The following CCDC138 variants were observed in gnomAD, a reference collection of about 807,000 sequenced individuals.
The protein encoded by CCDC138 is coiled-coil domain containing 138.
Under a neutral mutation model 82.3 loss-of-function variants are expected in CCDC138, and 66 were observed. The observed-to-expected ratio is 0.80, with a 90% CI of 0.66 to 0.98. CCDC138 has a LOEUF of 0.98. Among genes scored for constraint, CCDC138 ranks in the 50% least tolerant of loss-of-function variants. The pLI is 0.00. For missense variants in CCDC138, 816 were observed against 758.9 expected, an observed-to-expected ratio of 1.08 and a Z score of -0.88; for synonymous variants, 297 against 265.4, an observed-to-expected ratio of 1.12 and a Z score of -1.16.
intron 10 of CCDC138, among the ~76,000 whole-genome samples, chr2:108,816,496 G>A (rs771742432): frequency 6.6e-6 from 1 of 152,056 alleles, no homozygotes; most frequent in Non-Finnish European, 1.5e-5. Context: ...CCTCTGATGA[G>A]GCCCTTCTTC....
At position 108,794,757 on chromosome 2, in the gene CCDC138, A is replaced by G. The variant is rs963983944; in HGVS notation, c.576+36A>G. 6.8e-6 allele frequency: 10 copies of G among 1,475,104 alleles called. No homozygotes were observed. In the Admixed American group the frequency reaches 1.1e-4, roughly 17 times the overall value. The allele number at this position is 1,475,104 out of a possible 1,614,324, so 91.4% of individuals were successfully genotyped here. A position where few individuals can be genotyped will look rare whatever the true frequency, so the allele number is the denominator to read the frequency against. On this transcript the variant is annotated intron_variant, in intron 5 of 14. Coordinates refer to ENST00000295124, the MANE Select transcript of CCDC138 (RefSeq NM_144978.3). ...AATACTGAATCGAGAATTCAGAAATATTTATGTTCTAAGAACCAAGCATTT... is the reference window on the plus strand; with the variant it reads ...AATACTGAATCGAGAATTCAGAAATGTTTATGTTCTAAGAACCAAGCATTT...
intron 7 of CCDC138, among the ~76,000 whole-genome samples, chr2:108,810,866 T>C (rs1020316115): frequency 5.3e-5 from 8 of 152,236 alleles, no homozygotes; most frequent in East Asian, 1.9e-4. Context: ...TTGTTACTTA[T>C]GATTGGTCTG....
intron 4 of CCDC138, among the ~76,000 whole-genome samples, chr2:108,792,288 A>T (rs1680029480): frequency 6.6e-6 from 1 of 152,138 alleles, no homozygotes; most frequent in Admixed American, 6.5e-5. Context: ...TCTACACACA[A>T]CAACATTCAT....
intron 12 of CCDC138, among the ~76,000 whole-genome samples, chr2:108,854,838 A>G (rs551480886): frequency 1.9e-4 from 29 of 152,318 alleles, no homozygotes; most frequent in Non-Finnish European, 1.5e-5. Context: ...TGGTTAAGTT[A>G]CAAGTTTAGC....
In CCDC138 at chr2:108,805,121, A is replaced by C. The variant is rs1296227516; in HGVS notation, c.855+113A>C. Reference sequence around the variant, plus strand: ...GTTTCAGCTAGAGAAAATTTGGATTACATTTGTTAGCTTTATTTTAAAATA... The same window carrying C: ...GTTTCAGCTAGAGAAAATTTGGATTCCATTTGTTAGCTTTATTTTAAAATA... On this transcript the variant is annotated intron_variant, in intron 7 of 14. Coordinates refer to ENST00000295124, the MANE Select transcript of CCDC138 (RefSeq NM_144978.3). The C allele has an allele frequency of 1.3e-4, 60 of 466,606 alleles. 1 individual carries two copies. In the East Asian group the frequency reaches 2.1e-3, roughly 16 times the overall value. The allele number at this position is 466,606 out of a possible 1,614,324, so 28.9% of individuals were successfully genotyped here.
At chr2:108,819,888 T>A (rs1229876514) in intron 10 of CCDC138, among the ~76,000 whole-genome samples, 3 of 152,102 alleles carry the variant, frequency 2.0e-5, no homozygotes, top group Admixed American at 2.0e-4. Flanking sequence ...ATATATGATT[T>A]AAAAACTGTA....
chr2:108,845,883 T>C (rs1157203108), intron 11 of CCDC138, among the ~76,000 whole-genome samples: 1 of 152,230 alleles, frequency 6.6e-6, no homozygotes, highest in African/African-American at 2.4e-5. Context: ...ATTTTATTCT[T>C]AATAGATATA....
chr2:108,869,622 C>T (rs924424896), intron 13 of CCDC138, among the ~76,000 whole-genome samples: 2 of 152,048 alleles, frequency 1.3e-5, no homozygotes, highest in African/African-American at 4.8e-5. Context: ...AGATCTAAGG[C>T]CTTCAGAAGA....
At chr2:108,829,538 G>A (rs1265726728) in intron 10 of CCDC138, among the ~76,000 whole-genome samples, 2 of 152,222 alleles carry the variant, frequency 1.3e-5, no homozygotes, top group East Asian at 3.9e-4. Flanking sequence ...TTGAGGTCAG[G>A]AGCTTGAGAC....
At chr2:108,866,072 G>T (rs1694368488) in intron 13 of CCDC138, among the ~76,000 whole-genome samples, 1 of 152,134 alleles carries the variant, frequency 6.6e-6, no homozygotes, top group African/African-American at 2.4e-5. Flanking sequence ...TGACTTACTG[G>T]CTTTGATGTG....
intron 12 of CCDC138, among the ~76,000 whole-genome samples, chr2:108,851,775 C>T (rs1574225559): frequency 6.6e-6 from 1 of 152,024 alleles, no homozygotes; most frequent in Non-Finnish European, 1.5e-5. Flanking sequence ...AGAGACCTTC[C>T]CCTGAGGCCT....
At chr2:108,880,317 C>G (rs1197644044), downstream of CCDC138, among the ~76,000 whole-genome samples, 1 of 152,022 alleles carries the variant, frequency 6.6e-6, no homozygotes, top group Non-Finnish European at 1.5e-5. Flanking sequence ...TAGGAAGACT[C>G]AATATTGTTA....
rs139590986 is a variant in CCDC138 at position 108,787,500 on chromosome 2, C to T, written c.94-532C>T. On this transcript the variant is annotated intron_variant, in intron 1 of 14. Coordinates refer to ENST00000295124, the MANE Select transcript of CCDC138 (RefSeq NM_144978.3). Reference sequence around the variant, plus strand: ...TAAGGACGTTGTCTTTTAATAACCACAGTAATATTTTCAGGAAATTTAGAA... The same window carrying T: ...TAAGGACGTTGTCTTTTAATAACCATAGTAATATTTTCAGGAAATTTAGAA... Among the ~76,000 whole-genome samples, 763 of 152,204 alleles carry T rather than the reference C, an allele frequency of 5.0e-3. 4 individuals are homozygous for T. The highest frequency in any genetic ancestry group is 0.021 in the South Asian group (102 of 4,822).
rs540173797 is a variant in CCDC138 at position 108,862,127 on chromosome 2, T to C, written c.1693+5157T>C. Among the ~76,000 whole-genome samples the C allele has an allele frequency of 2.0e-5, 3 of 150,582 alleles. No individual in the cohort carries two copies. In the East Asian group the frequency reaches 5.8e-4, roughly 29 times the overall value. On this transcript the variant is annotated intron_variant, in intron 13 of 14. Transcript: ENST00000295124. ...ACTTTCCTGAGCATGTGGTCAGTCA[T>C]AGAGTATGTTTCACATGCAGATGAG...
At chr2:108,875,033 A>G (rs1695817896) in intron 14 of CCDC138, among the ~76,000 whole-genome samples, 1 of 152,032 alleles carries the variant, frequency 6.6e-6, no homozygotes, top group Non-Finnish European at 1.5e-5. Flanking sequence ...AGATAAAAAA[A>G]CAAAGCTTGA....
chr2:108,841,267 A>G (rs935899071), intron 11 of CCDC138, among the ~76,000 whole-genome samples: 5 of 152,178 alleles, frequency 3.3e-5, no homozygotes, highest in African/African-American at 7.2e-5. Context: ...ATAAATGTCA[A>G]TTTGATCCTG....
At chr2:108,812,959 A>G (rs752315256) in intron 9 of CCDC138, 32 bp downstream of exon 9, 29 of 1,603,278 alleles carry the variant, frequency 1.8e-5, no homozygotes, top group Non-Finnish European at 2.4e-5. Flanking sequence ...ATATGATTGA[A>G]AATTTCTCGG....
chr2:108,809,316 A>G (rs1018807305), intron 7 of CCDC138, among the ~76,000 whole-genome samples: 3 of 152,146 alleles, frequency 2.0e-5, no homozygotes, highest in Non-Finnish European at 4.4e-5. Context: ...TCATGATTTC[A>G]TACACAGTTT....
chr2:108,857,003 G>A, intron 13 of CCDC138, 33 bp downstream of exon 13: 3 of 1,101,684 alleles, frequency 2.7e-6, no homozygotes, highest in East Asian at 4.6e-5. Context: ...TGTAAAGAAA[G>A]CAGGATGATT....
Sources: allele counts gnomAD v4.1 joint callset (sites outside exome capture counted in the v4.1 genomes callset), GRCh38; gene constraint gnomAD v4.1.1; transcripts MANE v1.5; gene names NCBI Gene and HGNC (gene_info 2026-07-23, HGNC 2026-07-21).